The following MBIP variants were observed in gnomAD, a reference collection of about 807,000 sequenced individuals.
MBIP encodes the protein MAP3K12-binding inhibitory protein 1.
A neutral mutation model predicts 45.7 loss-of-function variants in MBIP; 32 were observed. The ratio of observed to expected loss-of-function variants is 0.70; its 90% confidence interval spans 0.53 to 0.94. MBIP has a LOEUF of 0.94. Ranked by LOEUF, MBIP falls within the 40% of genes least tolerant of loss-of-function variation. The pLI is 0.00. For missense variants in MBIP, 381 were observed against 405.5 expected (o/e 0.94, Z 0.52); for synonymous variants, 145 against 141.0 (o/e 1.03, Z -0.20).
At chr14:36,300,144 A>G (rs1879449788) in intron 8 of MBIP, among the ~76,000 whole-genome samples, 3 of 152,248 alleles carry the variant, frequency 2.0e-5, no homozygotes, top group Admixed American at 2.0e-4. Flanking sequence ...TCTCATAATC[A>G]ATAGTAAAAA....
At chr14:36,318,007 A>C (rs1880679329) in intron 1 of MBIP, among the ~76,000 whole-genome samples, 1 of 152,070 alleles carries the variant, frequency 6.6e-6, no homozygotes, top group African/African-American at 2.4e-5. Context: ...GACAAGTATA[A>C]AGAGATATGA....
intron 4 of MBIP, chr14:36,314,266 A>T: frequency 2.6e-6 from 1 of 384,152 alleles, no homozygotes; most frequent in Non-Finnish European, 4.6e-6. Flanking sequence ...ACTTTAAAAT[A>T]ATCTTCACCT....
rs1008546551 is a variant in MBIP at position 36,320,389 on chromosome 14, G to C, written c.129+71C>G. On this transcript the variant is annotated intron_variant, in intron 1 of 8. Coordinates refer to ENST00000416007, the MANE Select transcript of MBIP (RefSeq NM_016586.3). ...GCAGGCCTAGCTGCCCCCGGCCTCTGCTAGAGAAAAAGAATGGCGAGGAGG... is the reference window on the plus strand; with the variant it reads ...GCAGGCCTAGCTGCCCCCGGCCTCTCCTAGAGAAAAAGAATGGCGAGGAGG... The C allele has an allele frequency of 1.8e-5, 29 of 1,606,446 alleles. No homozygotes were observed. In the Admixed American group the frequency reaches 4.8e-4, roughly 27 times the overall value.
At chr14:36,313,131 C>G (rs1880308644) in intron 4 of MBIP, among the ~76,000 whole-genome samples, 1 of 150,262 alleles carries the variant, frequency 6.7e-6, no homozygotes, top group African/African-American at 2.4e-5. Flanking sequence ...ACTAAATAGA[C>G]ATCTTTCCTC....
In MBIP at chr14:36,298,965, T is replaced by C; in HGVS notation, c.*118A>G. The C allele has an allele frequency of 1.5e-6, 1 of 659,570 alleles. No individual in the cohort carries two copies. The allele number at this position is 659,570 out of a possible 1,614,324, so 40.9% of individuals were successfully genotyped here. A position where few individuals can be genotyped will look rare whatever the true frequency, so the allele number is the denominator to read the frequency against. ...GCTGCAAGCTGGACTCATGTGAAAA[T>C]AAACCTTGACTTCACAGAGAAGTCT... On this transcript the variant is annotated 3_prime_UTR_variant, in exon 9 of 9. Transcript: ENST00000416007.
intron 7 of MBIP, 189 bp from the exon 8 acceptor site, chr14:36,301,012 G>A (rs1253612548): frequency 2.4e-6 from 1 of 419,818 alleles, no homozygotes; most frequent in Non-Finnish European, 4.3e-6. Context: ...CTCTAAAGAG[G>A]ATGACGTTAA....
At chr14:36,306,404 G>A (rs556757727) in intron 7 of MBIP, among the ~76,000 whole-genome samples, 8 of 152,170 alleles carry the variant, frequency 5.3e-5, no homozygotes, top group Non-Finnish European at 7.4e-5. Context: ...ATAGGCATGC[G>A]CCACCATGCC....
intron 7 of MBIP, chr14:36,304,961 G>T (rs1031680961): frequency 4.6e-5 from 7 of 152,168 alleles, no homozygotes; most frequent in African/African-American, 1.7e-4. Flanking sequence ...TCCAACAAAA[G>T]TTCAATCCTT....
At chr14:36,318,665 T>C (rs1880713685) in intron 1 of MBIP, among the ~76,000 whole-genome samples, 1 of 152,000 alleles carries the variant, frequency 6.6e-6, no homozygotes. Context: ...AGCAAAAAGG[T>C]TAAAATTAGT....
chr14:36,314,682 CCTT>C lies in MBIP; in HGVS notation c.474+6_474+8del, dbSNP rs751575011. 1 of 1,611,794 alleles carries C rather than the reference CCTT, an allele frequency of 6.2e-7. No individual in the cohort carries two copies. Among genetic ancestry groups the C allele is most frequent in the Non-Finnish European group, 8.5e-7 (1 of 1,178,610 alleles). On this transcript the variant is annotated splice_donor_region_variant and intron_variant, in intron 3 of 8. Transcript: ENST00000416007. ...ATACCCTCTCGCCCCCGCCAAAAAA[CCTT>C]CTTACTTCTGCTTTTCCAGCCTTTA...
Position 36,311,703 on chromosome 14 carries a change from G to A in MBIP, c.660C>T (p.Tyr220=), listed in dbSNP as rs531674663. 2 of 1,609,102 alleles carry A rather than the reference G, an allele frequency of 1.2e-6. No individual in the cohort carries two copies. The highest frequency in any genetic ancestry group is 1.7e-6 in the Non-Finnish European group (2 of 1,177,854). ...TTCCTTCAGGTCTAGTCTGTGGTCC[G>A]TATGTATTCACAACTCTAGAAACTA... ...HVKVSRVVNT[Y]GPQTRPEGIP... is the part of the protein sequence containing the mutation. The change falls in exon 6 of 9, where the codon TAC becomes TAT. Residue 220 remains tyrosine (Y), a synonymous_variant. Coordinates refer to ENST00000416007, the MANE Select transcript of MBIP (RefSeq NM_016586.3).
intron 6 of MBIP, among the ~76,000 whole-genome samples, chr14:36,309,639 T>A (rs1880085965): frequency 6.6e-6 from 1 of 152,266 alleles, no homozygotes; most frequent in African/African-American, 2.4e-5. Flanking sequence ...TTAAATAAGT[T>A]AACTTGTTCA....
Position 36,308,195 on chromosome 14 carries a change from T to C in MBIP, c.791-6A>G. On this transcript the variant is annotated splice_polypyrimidine_tract_variant and splice_region_variant and intron_variant, in intron 6 of 8. Coordinates refer to ENST00000416007, the MANE Select transcript of MBIP (RefSeq NM_016586.3). ...GTCTCTTGGCACTGGACCACCTAAA[T>C]ACATTAAAAAAAAATCTGAGATACT... 4 of 1,443,684 alleles carry C rather than the reference T, an allele frequency of 2.8e-6. No homozygotes were observed. The highest frequency in any genetic ancestry group is 3.8e-6 in the Non-Finnish European group (4 of 1,049,308). The allele number at this position is 1,443,684 out of a possible 1,614,324, so 89.4% of individuals were successfully genotyped here.
chr14:36,303,330 T>A (rs1318394507), intron 7 of MBIP, among the ~76,000 whole-genome samples: 1 of 152,150 alleles, frequency 6.6e-6, no homozygotes, highest in Non-Finnish European at 1.5e-5. Flanking sequence ...CACCCATTAT[T>A]TTACCTTACC....
intron 6 of MBIP, among the ~76,000 whole-genome samples, chr14:36,308,660 T>G (rs1432826563): frequency 1.3e-5 from 2 of 152,208 alleles, no homozygotes; most frequent in African/African-American, 4.8e-5. Context: ...GGCTTTACCA[T>G]AATTCTAAAC....
At chr14:36,312,371 G>C (rs1459932812) in intron 4 of MBIP, among the ~76,000 whole-genome samples, 1 of 152,038 alleles carries the variant, frequency 6.6e-6, no homozygotes, top group African/African-American at 2.4e-5. Context: ...CTTCATCGTA[G>C]AAATAAAACT....
chr14:36,311,822 A>G (rs781235641), intron 5 of MBIP, 97 bp from the exon 6 acceptor site: 10 of 1,259,756 alleles, frequency 7.9e-6, no homozygotes, highest in African/African-American at 1.5e-5. Context: ...CATAAAGACC[A>G]TCTAACCACA....
chr14:36,311,159 G>A (rs2415335), intron 6 of MBIP, among the ~76,000 whole-genome samples: 123,745 of 152,132 alleles, frequency 0.81, 53,725 homozygotes, highest in East Asian at 0.96. Flanking sequence ...TGCACCCAGT[G>A]AGGACTTGGG....
At chr14:36,316,917 C>G (rs1880608590) in intron 1 of MBIP, 105 bp from the exon 2 acceptor site, 1 of 1,257,050 alleles carries the variant, frequency 8.0e-7, no homozygotes, top group South Asian at 1.7e-5. Flanking sequence ...CTATTTTGCT[C>G]TAAGTTATCA....
Sources: gnomAD v4.1 joint callset for allele counts (sites outside exome capture counted in the v4.1 genomes callset) on GRCh38, gnomAD v4.1.1 for gene constraint, MANE v1.5 for transcripts, NCBI Gene and HGNC (gene_info 2026-07-23, HGNC 2026-07-21) for gene names.